The following NRXN3 variants were observed in gnomAD, a reference collection of about 807,000 sequenced individuals.
The protein encoded by NRXN3 is neurexin 3.
NRXN3 carries 32 observed loss-of-function variants against 137.6 expected under a neutral mutation model. The ratio of observed to expected loss-of-function variants is 0.23; its 90% CI spans 0.18 to 0.31. The LOEUF is 0.31. Ranked by LOEUF, NRXN3 falls within the 10% of genes least tolerant of loss-of-function variation. The probability of loss-of-function intolerance (pLI) is 1.00; values close to 1 mark genes in which losing one functional copy is unlikely to be tolerated. For synonymous variants in NRXN3, 798 were observed against 784.5 expected, an observed-to-expected ratio of 1.02 and a Z score of -0.29; for missense variants, 1,574 against 2,062.5, an observed-to-expected ratio of 0.76 and a Z score of 4.59.
chr14:78,273,565 A>G (rs981687291), intron 2 of NRXN3, among the ~76,000 whole-genome samples: 1 of 152,162 alleles, frequency 6.6e-6, no homozygotes, highest in Non-Finnish European at 1.5e-5. Context: ...GGTCTCATCT[A>G]TACAGCTCCC....
intron 16 of NRXN3, among the ~76,000 whole-genome samples, chr14:79,505,215 CAAAA>C (rs111560292): frequency 1.1e-5 from 1 of 93,186 alleles, no homozygotes. Flanking sequence ...AACTCCATCT[CAAAA>C]AAAAAAAAAA....
chr14:79,261,123 G>A (rs1210573506), intron 15 of NRXN3, among the ~76,000 whole-genome samples: 1 of 152,202 alleles, frequency 6.6e-6, no homozygotes, highest in Non-Finnish European at 1.5e-5. Flanking sequence ...GGGTGAGGAG[G>A]AGGGTGAGAT....
At chr14:79,406,182 G>A (rs894228563) in intron 15 of NRXN3, among the ~76,000 whole-genome samples, 1 of 151,838 alleles carries the variant, frequency 6.6e-6, no homozygotes, top group East Asian at 1.9e-4. Flanking sequence ...AGATGACCAA[G>A]CCCTACATTC....
intron 15 of NRXN3, among the ~76,000 whole-genome samples, chr14:79,126,579 G>A (rs2056527242): frequency 6.6e-6 from 1 of 152,076 alleles, no homozygotes; most frequent in South Asian, 2.1e-4. Flanking sequence ...TATCATTGTT[G>A]GACATTTGGG....
At chr14:79,364,683 G>T (rs951826680) in intron 15 of NRXN3, among the ~76,000 whole-genome samples, 1 of 151,868 alleles carries the variant, frequency 6.6e-6, no homozygotes, top group African/African-American at 2.4e-5. Context: ...CAAAATAAAT[G>T]CAAAGAGAGC....
chr14:79,080,717 A>G (rs1201621802), intron 15 of NRXN3, among the ~76,000 whole-genome samples: 1 of 152,170 alleles, frequency 6.6e-6, no homozygotes, highest in Non-Finnish European at 1.5e-5. Flanking sequence ...GAAAAGAAGG[A>G]AGCCTGTGAC....
At chr14:79,818,046 GTTTTTT>G (rs55815632) in intron 20 of NRXN3, among the ~76,000 whole-genome samples, 5 of 90,318 alleles carry the variant, frequency 5.5e-5, no homozygotes, top group East Asian at 4.3e-4. Flanking sequence ...GTGCACTTGG[GTTTTTT>G]TTTTTTTTTT....
rs546935049 is a variant in NRXN3, at chr14:78,659,617, CT to C, written c.1221+8292del. Reference sequence around the variant, plus strand: ...ATCACTTGGACCCGGGAGGTTGAGGCTGCAGTGAGCCAAGATGGTGCCACTG... The same window carrying C: ...ATCACTTGGACCCGGGAGGTTGAGGCGCAGTGAGCCAAGATGGTGCCACTG... On this transcript the variant is annotated intron_variant, in intron 6 of 20. Coordinates refer to ENST00000335750, the MANE Select transcript of NRXN3 (RefSeq NM_001330195.2). 2.0e-5 allele frequency among the ~76,000 whole-genome samples: 3 copies of C among 151,130 alleles called. No individual in the cohort carries two copies. The South Asian group carries it at 6.3e-4, about 32-fold the overall frequency.
At chr14:79,853,781 T>A in intron 20 of NRXN3, 1 of 1,013,086 alleles carries the variant, frequency 9.9e-7, no homozygotes, top group South Asian at 3.6e-5. Flanking sequence ...CAAAAAAATA[T>A]ATATATCTGA....
intron 10 of NRXN3, among the ~76,000 whole-genome samples, chr14:78,873,400 C>G (rs1412128527): frequency 6.6e-6 from 1 of 152,078 alleles, no homozygotes; most frequent in Non-Finnish European, 1.5e-5. Flanking sequence ...TGAGAAGTTG[C>G]CATAACATTT....
chr14:78,648,147 A>G (rs770078757), intron 5 of NRXN3, among the ~76,000 whole-genome samples: 76 of 152,214 alleles, frequency 5.0e-4, no homozygotes, highest in Non-Finnish European at 8.7e-4. Context: ...AATGTGGACT[A>G]CCTGTATCTA....
rs544573897 is a variant in NRXN3, at chr14:78,473,911, G to C, written c.758-171209G>C. 2.0e-5 allele frequency among the ~76,000 whole-genome samples: 3 copies of C among 152,324 alleles called. No individual in the cohort carries two copies. The South Asian group carries it at 6.2e-4, about 32-fold the overall frequency. ...CTCCCCTATTACAAGGGACCCAAAA[G>C]AGCAAACGTGTAAGTGTCAGTGTCT... On this transcript the variant is annotated intron_variant, in intron 4 of 20. Transcript: ENST00000335750.
chr14:78,380,566 A>G (rs1173712642), intron 4 of NRXN3, among the ~76,000 whole-genome samples: 2 of 152,146 alleles, frequency 1.3e-5, no homozygotes, highest in African/African-American at 2.4e-5. Flanking sequence ...CAAGCCAAGA[A>G]ATGTTACCAG....
At chr14:78,211,902 G>C (rs1163091162) in intron 1 of NRXN3, among the ~76,000 whole-genome samples, 4 of 152,170 alleles carry the variant, frequency 2.6e-5, no homozygotes, top group Non-Finnish European at 5.9e-5. Flanking sequence ...CATAGGGATG[G>C]AACTGTAGAA....
At chr14:79,361,486 G>A (rs1368376709) in intron 15 of NRXN3, among the ~76,000 whole-genome samples, 2 of 152,126 alleles carry the variant, frequency 1.3e-5, no homozygotes, top group African/African-American at 4.8e-5. Context: ...GGAGGCCGAG[G>A]TGGGTGGATC....
chr14:79,132,067 C>T lies in NRXN3; in HGVS notation c.3262+143926C>T, dbSNP rs144138875. Among the ~76,000 whole-genome samples, 422 of 152,358 alleles carry T rather than the reference C, an allele frequency of 2.8e-3. 3 individuals carry two copies. Among genetic ancestry groups the T allele is most frequent in the African/African-American group, 9.5e-3 (396 of 41,584 alleles). The stretch of plus-strand genomic sequence containing the variant: ...CACGGTGCGTGCACCCACTGACCTG[C>T]GCGCACTGTCTGGCACTCCCTAGTG... On this transcript the variant is annotated intron_variant, in intron 15 of 20. Coordinates refer to ENST00000335750, the MANE Select transcript of NRXN3 (RefSeq NM_001330195.2).
At chr14:79,511,158 A>G (rs2096928863) in intron 16 of NRXN3, among the ~76,000 whole-genome samples, 1 of 152,142 alleles carries the variant, frequency 6.6e-6, no homozygotes, top group Admixed American at 6.5e-5. Flanking sequence ...TGATCACTTT[A>G]CCTCCCTTGG....
At chr14:78,666,120 A>G (rs1245795918) in intron 6 of NRXN3, among the ~76,000 whole-genome samples, 2 of 152,186 alleles carry the variant, frequency 1.3e-5, no homozygotes, top group South Asian at 4.1e-4. Context: ...GTAAAAAAAC[A>G]CATATCCCAA....
intron 17 of NRXN3, among the ~76,000 whole-genome samples, chr14:79,680,685 A>G (rs1332248506): frequency 3.3e-5 from 5 of 152,000 alleles, no homozygotes; most frequent in Non-Finnish European, 7.4e-5. Flanking sequence ...GTTTGCTCAG[A>G]AAAAAAAGAA....
Sources: gnomAD v4.1 joint callset for allele counts (sites outside exome capture counted in the v4.1 genomes callset) on GRCh38, gnomAD v4.1.1 for gene constraint, MANE v1.5 for transcripts, NCBI Gene and HGNC (gene_info 2026-07-23, HGNC 2026-07-21) for gene names.